MYO1E: variants seen among roughly 807,000 people sequenced by gnomAD.
MYO1E encodes the protein unconventional myosin-Ie.
A neutral mutation model predicts 151.1 loss-of-function variants in MYO1E; 68 were observed. That is an observed-to-expected ratio of 0.45 (90% confidence interval 0.37 to 0.55). The LOEUF (loss-of-function observed/expected upper bound fraction) is 0.55. Among genes scored for constraint, MYO1E ranks in the 20% least tolerant of loss-of-function variants. The pLI is 0.00. For synonymous variants in MYO1E, 601 were observed against 501.7 expected (o/e 1.20, Z -2.64); for missense variants, 1,363 against 1,389.3 (o/e 0.98, Z 0.30).
chr15:59,154,093 C>G (rs1200033476), intron 25 of MYO1E, among the ~76,000 whole-genome samples: 2 of 152,228 alleles, frequency 1.3e-5, no homozygotes, highest in African/African-American at 4.8e-5. Flanking sequence ...AGCGGACACT[C>G]AGCACATGCT....
At chr15:59,249,419 G>A (rs537219045) in intron 4 of MYO1E, among the ~76,000 whole-genome samples, 2 of 36,000 alleles carry the variant, frequency 5.6e-5, no homozygotes, top group East Asian at 8.1e-4. Flanking sequence ...GCAAGACTCT[G>A]TCTCAAAAAA....
chr15:59,221,683 G>A (rs2079957431), intron 9 of MYO1E, among the ~76,000 whole-genome samples: 1 of 148,394 alleles, frequency 6.7e-6, no homozygotes, highest in Non-Finnish European at 1.5e-5. Flanking sequence ...TTCATGGGCA[G>A]TTGCCAGTGC....
chr15:59,353,925 T>C (rs2080839329), intron 1 of MYO1E, among the ~76,000 whole-genome samples: 1 of 152,120 alleles, frequency 6.6e-6, no homozygotes. Flanking sequence ...CATGTGAACA[T>C]AAATAGGCTC....
chr15:59,146,694 TTATATA>T (rs1190327287), intron 26 of MYO1E, among the ~76,000 whole-genome samples: 5 of 149,048 alleles, frequency 3.4e-5, no homozygotes, highest in Non-Finnish European at 5.9e-5. Context: ...TAAAGGCTCA[TTATATA>T]TATAATATAT....
chr15:59,150,955 G>C (rs1172215628), intron 26 of MYO1E, among the ~76,000 whole-genome samples: 1 of 149,792 alleles, frequency 6.7e-6, no homozygotes, highest in Admixed American at 6.8e-5. Context: ...ATGAGAGCTG[G>C]TGGGATATAG....
rs755799968 is a variant in MYO1E, at chr15:59,161,073, G to A, written c.2785C>T (p.Arg929Cys). The A allele has an allele frequency of 3.8e-5, 62 of 1,612,990 alleles. No individual in the cohort carries two copies. Among genetic ancestry groups the A allele is most frequent in the Admixed American group, 5.0e-5 (3 of 59,996 alleles). The change falls in exon 24 of 28, where the codon CGT becomes TGT. Residue 929 changes from arginine (R) to cysteine (C), a missense_variant and splice_region_variant. Physicochemically the swap from Arg to Cys is radical, Grantham distance 180. Coordinates refer to ENST00000288235, the MANE Select transcript of MYO1E (RefSeq NM_004998.4). ...CCTGCAGGGCCCGTGGAGCACTTAC[G>A]GGAGTTCTTGGGCAGTCCAGGTCCG... ...SIGPGLPKNSRPTRRNTTQNT... is the reference protein window; with the variant it reads ...SIGPGLPKNSCPTRRNTTQNT...
In MYO1E at chr15:59,214,700, C is replaced by G. The variant is rs2079902564; in HGVS notation, c.1128G>C (p.Glu376Asp). Residue 376 changes from glutamate (E) to aspartate (D), a missense_variant, in exon 11 of 28, where the codon GAG becomes GAC. By Grantham distance (45) the Glu-to-Asp change is conservative (BLOSUM62 2). Transcript: ENST00000288235. ...FLVDSINKAMEKDHEEYNIGV... is the reference protein window; with the variant it reads ...FLVDSINKAMDKDHEEYNIGV... ...CAATGTTGTATTCTTCATGGTCTTT[C>G]TCCATGGCTTTATTGATGGACTAGA... 1 of 1,613,580 alleles carries G rather than the reference C, an allele frequency of 6.2e-7. No individual in the cohort carries two copies.
chr15:59,326,023 G>A (rs1438074079), intron 1 of MYO1E, among the ~76,000 whole-genome samples: 1 of 152,090 alleles, frequency 6.6e-6, no homozygotes. Context: ...GAAGAGGGAA[G>A]TCACCACACA....
At chr15:59,192,448 A>C (rs2079739842) in intron 17 of MYO1E, among the ~76,000 whole-genome samples, 1 of 152,184 alleles carries the variant, frequency 6.6e-6, no homozygotes, top group Non-Finnish European at 1.5e-5. Flanking sequence ...GGGTTGGTGA[A>C]CTTCCAAGCA....
At chr15:59,299,662 G>A (rs66484811) in intron 1 of MYO1E, among the ~76,000 whole-genome samples, 3 of 152,024 alleles carry the variant, frequency 2.0e-5, no homozygotes, top group Non-Finnish European at 4.4e-5. Flanking sequence ...AATTCACTCC[G>A]AAGTGTGAAA....
At chr15:59,246,099 T>A (rs921758787) in intron 4 of MYO1E, among the ~76,000 whole-genome samples, 14 of 152,172 alleles carry the variant, frequency 9.2e-5, no homozygotes, top group African/African-American at 3.4e-4. Flanking sequence ...CATTCTTTTT[T>A]TAAATTTTTT....
Position 59,153,598 on chromosome 15 carries a change from T to A in MYO1E, c.3072A>T (p.Gly1024=), listed in dbSNP as rs1566965562. ...SLDFLKVPDQ[G]AAGVRRQTTS... ...GGATGTGAGAATCTTACCCTGCAGCTCCCTGGTCCGGGACCTTGAGGAAAT... is the reference window on the plus strand; with the variant it reads ...GGATGTGAGAATCTTACCCTGCAGCACCCTGGTCCGGGACCTTGAGGAAAT... Residue 1024 remains glycine (G), a synonymous_variant, in exon 26 of 28, where the codon GGA becomes GGT. Transcript: ENST00000288235. 4 of 1,613,980 alleles carry A rather than the reference T, an allele frequency of 2.5e-6. No individual in the cohort carries two copies. In the African/African-American group the frequency reaches 4.0e-5, roughly 16 times the overall value.
chr15:59,323,957 G>C (rs2080645636), intron 1 of MYO1E, among the ~76,000 whole-genome samples: 2 of 151,908 alleles, frequency 1.3e-5, no homozygotes, highest in African/African-American at 4.8e-5. Flanking sequence ...CCAGCTCCAT[G>C]GTGAGAAAGC....
intron 1 of MYO1E, among the ~76,000 whole-genome samples, chr15:59,274,794 C>T (rs181671667): frequency 2.6e-4 from 39 of 152,278 alleles, no homozygotes; most frequent in Admixed American, 7.9e-4. Context: ...GCTGTTTCCT[C>T]CTTTTTCTCA....
At chr15:59,157,530 C>T (rs1055488968) in intron 25 of MYO1E, among the ~76,000 whole-genome samples, 6 of 152,180 alleles carry the variant, frequency 3.9e-5, no homozygotes, top group Non-Finnish European at 8.8e-5. Flanking sequence ...CCATCTCACC[C>T]TGTCCCGCCA....
intron 17 of MYO1E, among the ~76,000 whole-genome samples, chr15:59,194,343 C>T (rs1487739778): frequency 2.0e-5 from 3 of 152,176 alleles, no homozygotes; most frequent in Non-Finnish European, 4.4e-5. Flanking sequence ...AACGAACTTT[C>T]AGACAGTAAA....
At chr15:59,292,271 A>G (rs1204618208) in intron 1 of MYO1E, among the ~76,000 whole-genome samples, 3 of 152,162 alleles carry the variant, frequency 2.0e-5, no homozygotes, top group East Asian at 1.9e-4. Flanking sequence ...AACACACCCA[A>G]TGGGTGTTTC....
At chr15:59,326,511 G>C (rs2080665401) in intron 1 of MYO1E, among the ~76,000 whole-genome samples, 1 of 152,190 alleles carries the variant, frequency 6.6e-6, no homozygotes, top group Non-Finnish European at 1.5e-5. Context: ...GACAGAGCAA[G>C]ACTCCATCTC....
At chr15:59,178,026 C>G (rs753308115) in intron 19 of MYO1E, among the ~76,000 whole-genome samples, 1 of 152,200 alleles carries the variant, frequency 6.6e-6, no homozygotes, top group African/African-American at 2.4e-5. Context: ...GATTAAGTAA[C>G]TATTGAGCAT....
Sources: gnomAD v4.1 joint callset for allele counts (sites outside exome capture counted in the v4.1 genomes callset) on GRCh38, gnomAD v4.1.1 for gene constraint, MANE v1.5 for transcripts, NCBI Gene and HGNC (gene_info 2026-07-23, HGNC 2026-07-21) for gene names.